AGBL4: variants seen among roughly 807,000 people sequenced by gnomAD.
The protein encoded by AGBL4 is cytosolic carboxypeptidase 6.
Under a neutral mutation model 66.4 loss-of-function variants are expected in AGBL4, and 58 were observed. The observed-to-expected ratio is 0.87, with a 90% CI of 0.71 to 1.09. The LOEUF (loss-of-function observed/expected upper bound fraction) is 1.09. AGBL4 is among the 50% of genes least tolerant of loss of function. The pLI, the probability that AGBL4 is intolerant of heterozygous loss-of-function variation, is 0.00. For missense variants in AGBL4, 579 were observed against 631.0 expected, an observed-to-expected ratio of 0.92 and a Z score of 0.88; for synonymous variants, 234 against 222.9, an observed-to-expected ratio of 1.05 and a Z score of -0.44.
intron 4 of AGBL4, among the ~76,000 whole-genome samples, chr1:49,116,662 A>G (rs889422838): frequency 5.9e-5 from 9 of 152,352 alleles, no homozygotes; most frequent in African/African-American, 1.7e-4. Context: ...GCTATTGTGA[A>G]TAGTGCCACA....
chr1:48,944,508 T>C (rs529620418), intron 5 of AGBL4, among the ~76,000 whole-genome samples: 1 of 152,238 alleles, frequency 6.6e-6, no homozygotes, highest in Admixed American at 6.5e-5. Flanking sequence ...CACAATTTTA[T>C]AGATGTGGAA....
At chr1:49,884,646 G>A (rs998091176) in intron 1 of AGBL4, among the ~76,000 whole-genome samples, 27 of 151,494 alleles carry the variant, frequency 1.8e-4, no homozygotes, top group African/African-American at 6.5e-4. Context: ...TAACACAATG[G>A]TTTTTTTCAA....
At chr1:49,740,715 G>A (rs918563561) in intron 2 of AGBL4, among the ~76,000 whole-genome samples, 1 of 152,164 alleles carries the variant, frequency 6.6e-6, no homozygotes, top group Admixed American at 6.5e-5. Flanking sequence ...AGACCACAGT[G>A]CAATCAAACT....
chr1:49,033,240 A>G (rs540869621), intron 5 of AGBL4, among the ~76,000 whole-genome samples: 1 of 152,152 alleles, frequency 6.6e-6, no homozygotes, highest in South Asian at 2.1e-4. Context: ...CAAAACCACT[A>G]CACTTGTTTA....
chr1:49,581,147 C>A (rs1047094261), intron 3 of AGBL4, among the ~76,000 whole-genome samples: 48 of 151,884 alleles, frequency 3.2e-4, no homozygotes, highest in African/African-American at 1.1e-3. Context: ...GAAGCTTTTG[C>A]ACATATTTTA....
chr1:49,870,481 G>A (rs954192061), intron 1 of AGBL4, among the ~76,000 whole-genome samples: 6 of 150,626 alleles, frequency 4.0e-5, no homozygotes, highest in East Asian at 3.9e-4. Context: ...GGATTGAGGC[G>A]ATGAGTGCCT....
At chr1:49,816,520 A>G (rs1645235884) in intron 2 of AGBL4, among the ~76,000 whole-genome samples, 1 of 152,188 alleles carries the variant, frequency 6.6e-6, no homozygotes, top group African/African-American at 2.4e-5. Context: ...GAGTATAGAC[A>G]TGGTGAAAAT....
At chr1:49,351,108 A>G (rs1309137911) in intron 3 of AGBL4, among the ~76,000 whole-genome samples, 1 of 152,144 alleles carries the variant, frequency 6.6e-6, no homozygotes, top group African/African-American at 2.4e-5. Flanking sequence ...TCTTGGAGCA[A>G]AAGTTCACAA....
chr1:49,883,491 G>T (rs1317423698), intron 1 of AGBL4, among the ~76,000 whole-genome samples: 1 of 151,878 alleles, frequency 6.6e-6, no homozygotes, highest in African/African-American at 2.4e-5. Flanking sequence ...AGTGATTATG[G>T]TTTCTCATCA....
At chr1:49,204,408 C>A (rs945061120) in intron 4 of AGBL4, among the ~76,000 whole-genome samples, 12 of 151,800 alleles carry the variant, frequency 7.9e-5, no homozygotes, top group Non-Finnish European at 8.8e-5. Flanking sequence ...GTAACTGGGA[C>A]TATACACATG....
chr1:48,534,775 T>G, intron 13 of AGBL4, 115 bp downstream of exon 13: 1 of 1,121,044 alleles, frequency 8.9e-7, no homozygotes, highest in African/African-American at 1.6e-5. Flanking sequence ...AAAATCCACA[T>G]TCATTGAAGA....
At chr1:49,120,184 G>T (rs931750117) in intron 4 of AGBL4, among the ~76,000 whole-genome samples, 1 of 152,118 alleles carries the variant, frequency 6.6e-6, no homozygotes, top group Non-Finnish European at 1.5e-5. Flanking sequence ...TACATTTAAG[G>T]TTAATATTGT....
chr1:49,216,290 AG>A (rs1649082963), intron 4 of AGBL4, among the ~76,000 whole-genome samples: 1 of 152,102 alleles, frequency 6.6e-6, no homozygotes, highest in African/African-American at 2.4e-5. Flanking sequence ...TTAGACTCAG[AG>A]GGTTACAGGT....
At chr1:49,432,396 C>G (rs1451410820) in intron 3 of AGBL4, among the ~76,000 whole-genome samples, 1 of 152,106 alleles carries the variant, frequency 6.6e-6, no homozygotes, top group Non-Finnish European at 1.5e-5. Flanking sequence ...AATAAAAACT[C>G]TCTTCCTCCC....
intron 5 of AGBL4, among the ~76,000 whole-genome samples, chr1:48,898,913 A>C (rs1651806212): frequency 6.6e-6 from 1 of 152,130 alleles, no homozygotes; most frequent in African/African-American, 2.4e-5. Context: ...CCCCCCGTCA[A>C]AGGCGGCTCT....
chr1:49,642,204 T>C (rs1169771166), intron 3 of AGBL4, among the ~76,000 whole-genome samples: 8 of 151,990 alleles, frequency 5.3e-5, no homozygotes, highest in Non-Finnish European at 1.2e-4. Context: ...CCAGTGAAGA[T>C]AAAACAATGG....
intron 3 of AGBL4, among the ~76,000 whole-genome samples, chr1:49,333,131 TG>T (rs1302417601): frequency 1.3e-5 from 2 of 152,176 alleles, no homozygotes; most frequent in South Asian, 2.1e-4. Context: ...CTTGTAAATT[TG>T]TTTAACCTGC....
At chr1:49,282,127 G>C (rs1437366183) in intron 3 of AGBL4, among the ~76,000 whole-genome samples, 1 of 152,186 alleles carries the variant, frequency 6.6e-6, no homozygotes, top group Non-Finnish European at 1.5e-5. Flanking sequence ...GTCCATTGGA[G>C]AATTGCTTGG....
chr1:49,386,342 G>T (rs1252308803), intron 3 of AGBL4, among the ~76,000 whole-genome samples: 2 of 151,754 alleles, frequency 1.3e-5, no homozygotes, highest in Non-Finnish European at 2.9e-5. Context: ...CCATGCAATT[G>T]TGTAGTCTTT....
Sources: allele counts gnomAD v4.1 joint callset (sites outside exome capture counted in the v4.1 genomes callset), GRCh38; gene constraint gnomAD v4.1.1; transcripts MANE v1.5; gene names NCBI Gene and HGNC (gene_info 2026-07-23, HGNC 2026-07-21).